WWOX: variants seen among roughly 807,000 people sequenced by gnomAD.
WWOX encodes the protein WW domain-containing oxidoreductase.
In WWOX, 69 loss-of-function variants were observed where a neutral mutation model predicts 46.2. The ratio of observed to expected loss-of-function variants is 1.49; its 90% CI spans 1.23 to 1.82. The LOEUF is 1.82. WWOX is among the 40% of genes most tolerant of loss of function. The probability of loss-of-function intolerance (pLI) is 0.00; values close to 1 mark genes in which losing one functional copy is unlikely to be tolerated. For synonymous variants in WWOX, 359 were observed against 202.6 expected (o/e 1.77, Z -6.56); for missense variants, 919 against 542.6 (o/e 1.69, Z -6.89).
chr16:79,082,423 C>T (rs2048777488), intron 8 of WWOX, among the ~76,000 whole-genome samples: 1 of 152,082 alleles, frequency 6.6e-6, no homozygotes, highest in Non-Finnish European at 1.5e-5. Context: ...GTCATGAGGT[C>T]ACCTTCCCAT....
chr16:78,868,039 C>A (rs926592388), intron 8 of WWOX, among the ~76,000 whole-genome samples: 1 of 152,108 alleles, frequency 6.6e-6, no homozygotes, highest in Non-Finnish European at 1.5e-5. Flanking sequence ...TAAGAACCTA[C>A]TGGAAAGAAA....
intron 8 of WWOX, among the ~76,000 whole-genome samples, chr16:79,114,370 G>A (rs560912683): frequency 4.6e-5 from 5 of 108,470 alleles, no homozygotes; most frequent in Non-Finnish European, 7.5e-5. Context: ...AGAGACACAC[G>A]TGTGTGCACA....
At chr16:78,759,554 A>G (rs1400266472) in intron 8 of WWOX, among the ~76,000 whole-genome samples, 2 of 152,042 alleles carry the variant, frequency 1.3e-5, no homozygotes, top group Non-Finnish European at 2.9e-5. Context: ...AAACCTAGGT[A>G]CTCATTGAAT....
At chr16:78,696,112 T>C (rs575346176) in intron 8 of WWOX, among the ~76,000 whole-genome samples, 1 of 152,250 alleles carries the variant, frequency 6.6e-6, no homozygotes, top group South Asian at 2.1e-4. Flanking sequence ...GCAGGAAACA[T>C]AGGAGAGAAG....
chr16:78,193,012 C>T (rs1176206016), intron 5 of WWOX, among the ~76,000 whole-genome samples: 1 of 152,226 alleles, frequency 6.6e-6, no homozygotes, highest in Non-Finnish European at 1.5e-5. Flanking sequence ...CGTGGCTCCA[C>T]AGTCACGGGT....
chr16:78,230,929 A>C (rs12933454), intron 5 of WWOX, among the ~76,000 whole-genome samples: 82,783 of 151,864 alleles, frequency 0.55, 22,952 homozygotes, highest in Admixed American at 0.68. Flanking sequence ...TTCTTAAGAA[A>C]CTCCCATGAT....
At chr16:78,135,769 G>A (rs571172998) in intron 4 of WWOX, among the ~76,000 whole-genome samples, 10 of 152,188 alleles carry the variant, frequency 6.6e-5, no homozygotes, top group African/African-American at 2.4e-4. Flanking sequence ...CAGGGAAAAT[G>A]ACATGTCGAT....
In WWOX at chr16:78,374,144, A is replaced by AT. The variant is rs201694031; in HGVS notation, c.517-12710dup. On this transcript the variant is annotated intron_variant, in intron 5 of 8. Coordinates refer to ENST00000566780, the MANE Select transcript of WWOX (RefSeq NM_016373.4). ...TTTTATCTGAGTTACTCCATACATC[A>AT]TTTTTTCTCCCTGTTGCTCATTTGG... 1.5e-3 allele frequency among the ~76,000 whole-genome samples: 222 copies of AT among 151,924 alleles called. 7 individuals carry two copies. The East Asian group carries it at 0.041, about 28-fold the overall frequency.
chr16:78,624,296 C>G (rs1250124058), intron 8 of WWOX, among the ~76,000 whole-genome samples: 1 of 150,670 alleles, frequency 6.6e-6, no homozygotes, highest in Non-Finnish European at 1.5e-5. Flanking sequence ...GTATTTCCAA[C>G]TGGCAGGGGC....
intron 8 of WWOX, among the ~76,000 whole-genome samples, chr16:79,153,472 A>T (rs888581183): frequency 6.6e-6 from 1 of 152,134 alleles, no homozygotes; most frequent in Non-Finnish European, 1.5e-5. Flanking sequence ...TTACATCGGG[A>T]ATGCCTTTTG....
intron 4 of WWOX, among the ~76,000 whole-genome samples, chr16:78,161,010 T>G (rs938075713): frequency 2.0e-5 from 3 of 152,200 alleles, no homozygotes; most frequent in African/African-American, 7.2e-5. Flanking sequence ...GGATTGAAAT[T>G]TACCATTGTG....
In WWOX at chr16:78,622,557, G is replaced by T. The variant is rs1375891290; in HGVS notation, c.1056+189805G>T. 2.0e-5 allele frequency among the ~76,000 whole-genome samples: 3 copies of T among 146,688 alleles called. No homozygotes were observed. In the South Asian group the frequency reaches 6.6e-4, roughly 32 times the overall value. ...AACTCCATCTTAAAAAAAAAAAAAAGTGAACCCTTGTAGTTTCTTCCTCTG... is the reference window on the plus strand; with the variant it reads ...AACTCCATCTTAAAAAAAAAAAAAATTGAACCCTTGTAGTTTCTTCCTCTG... On this transcript the variant is annotated intron_variant, in intron 8 of 8. Transcript: ENST00000566780.
At chr16:78,811,205 A>C (rs761551966) in intron 8 of WWOX, among the ~76,000 whole-genome samples, 1 of 152,182 alleles carries the variant, frequency 6.6e-6, no homozygotes, top group Non-Finnish European at 1.5e-5. Flanking sequence ...GTTGTGATCT[A>C]CCTTATGTTG....
chr16:78,917,440 G>T (rs2045278091), intron 8 of WWOX, among the ~76,000 whole-genome samples: 1 of 151,914 alleles, frequency 6.6e-6, no homozygotes, highest in Non-Finnish European at 1.5e-5. Flanking sequence ...ACTGAGCAAG[G>T]TTCATCTAGT....
rs143349792 is a variant in WWOX, at chr16:78,868,312, A to C, written c.1057-343296A>C. Among the ~76,000 whole-genome samples the C allele has an allele frequency of 3.5e-4, 54 of 152,296 alleles. No homozygotes were observed. The South Asian group carries it at 4.4e-3, about 12-fold the overall frequency. ...ATAGTATATGATGACATTTATATGA[A>C]ATTTCTAGAAAAGATGAAACTCTAT... On this transcript the variant is annotated intron_variant, in intron 8 of 8. Coordinates refer to ENST00000566780, the MANE Select transcript of WWOX (RefSeq NM_016373.4).
intron 8 of WWOX, among the ~76,000 whole-genome samples, chr16:78,637,583 C>G (rs747626228): frequency 8.5e-5 from 13 of 152,196 alleles, no homozygotes; most frequent in Admixed American, 2.0e-4. Context: ...TCTACTACAT[C>G]CCCTTTCCTT....
intron 6 of WWOX, among the ~76,000 whole-genome samples, chr16:78,387,263 C>T (rs1018837841): frequency 6.6e-6 from 1 of 152,090 alleles, no homozygotes; most frequent in Non-Finnish European, 1.5e-5. Context: ...TTTTGTAGTG[C>T]ATTTCAGAAT....
At chr16:79,035,631 C>G (rs562884015) in intron 8 of WWOX, among the ~76,000 whole-genome samples, 3 of 152,128 alleles carry the variant, frequency 2.0e-5, no homozygotes, top group Non-Finnish European at 2.9e-5. Context: ...CCTCGTCTCC[C>G]GGGTTCAAGT....
At chr16:78,642,883 C>T (rs2046753761) in intron 8 of WWOX, among the ~76,000 whole-genome samples, 1 of 152,112 alleles carries the variant, frequency 6.6e-6, no homozygotes, top group Admixed American at 6.5e-5. Context: ...ATCCTACTGC[C>T]AAATTATGGC....
Sources: gnomAD v4.1 joint callset for allele counts (sites outside exome capture counted in the v4.1 genomes callset) on GRCh38, gnomAD v4.1.1 for gene constraint, MANE v1.5 for transcripts, NCBI Gene and HGNC (gene_info 2026-07-23, HGNC 2026-07-21) for gene names.